Variants in CAPZB observed in about 807,000 individuals in gnomAD.
The protein encoded by CAPZB is capping actin protein of muscle Z-line subunit beta, also known as F-actin-capping protein subunit beta.
Under a neutral mutation model 38.1 loss-of-function variants are expected in CAPZB, and 2 were observed. The ratio of observed to expected loss-of-function variants is 0.05; its 90% CI spans 0.02 to 0.17. CAPZB has a LOEUF of 0.17. CAPZB is among the 10% of genes least tolerant of loss of function. The pLI is 1.00. For missense variants in CAPZB, 161 were observed against 334.2 expected (o/e 0.48, Z 4.04); for synonymous variants, 107 against 127.4 (o/e 0.84, Z 1.08).
intron 1 of CAPZB, among the ~76,000 whole-genome samples, chr1:19,444,055 G>A (rs1444622349): frequency 3.3e-5 from 5 of 152,210 alleles, no homozygotes; most frequent in Non-Finnish European, 7.3e-5. Context: ...CTACTCAGGG[G>A]GCTGAGGCAG....
intron 1 of CAPZB, among the ~76,000 whole-genome samples, chr1:19,430,397 G>T (rs904423444): frequency 1.3e-5 from 2 of 152,022 alleles, no homozygotes; most frequent in African/African-American, 4.8e-5. Context: ...TAGTTTTTTT[G>T]GATAACCAAT....
Position 19,428,055 on chromosome 1 carries a change from G to A in CAPZB, c.4-8305C>T, listed in dbSNP as rs7416620. 3.3e-5 allele frequency among the ~76,000 whole-genome samples: 5 copies of A among 152,340 alleles called. No individual in the cohort carries two copies. In the South Asian group the frequency reaches 8.3e-4, roughly 25 times the overall value. ...GTGGATGACCCACCAGCCAGAATGG[G>A]TGACCTGTTGTTATATGAGAAATAA... On this transcript the variant is annotated intron_variant, in intron 1 of 8. Coordinates refer to ENST00000264202, the MANE Select transcript of CAPZB (RefSeq NM_004930.5).
At chr1:19,482,409 C>T (rs967874522) in intron 1 of CAPZB, among the ~76,000 whole-genome samples, 3 of 152,248 alleles carry the variant, frequency 2.0e-5, no homozygotes, top group African/African-American at 7.2e-5. Flanking sequence ...CCCATCAGCT[C>T]CTGCCAGGCA....
intron 1 of CAPZB, among the ~76,000 whole-genome samples, chr1:19,427,284 T>C (rs1194066057): frequency 6.6e-6 from 1 of 152,222 alleles, no homozygotes; most frequent in African/African-American, 2.4e-5. Flanking sequence ...CATCTGTCTG[T>C]ACATAAACAA....
At chr1:19,353,686 A>G (rs1362804828) in intron 6 of CAPZB, among the ~76,000 whole-genome samples, 1 of 152,162 alleles carries the variant, frequency 6.6e-6, no homozygotes, top group East Asian at 1.9e-4. Context: ...CACAGATCCA[A>G]TCAGATCATT....
At chr1:19,458,178 T>C (rs1429878193) in intron 1 of CAPZB, among the ~76,000 whole-genome samples, 1 of 152,222 alleles carries the variant, frequency 6.6e-6, no homozygotes, top group African/African-American at 2.4e-5. Context: ...AATGATGCTT[T>C]ATTAAGTTGA....
At chr1:19,342,388 G>C (rs909158317) in intron 8 of CAPZB, among the ~76,000 whole-genome samples, 2 of 152,220 alleles carry the variant, frequency 1.3e-5, no homozygotes, top group African/African-American at 4.8e-5. Context: ...TCTGAAGCAT[G>C]GGGGGGTGGA....
intron 2 of CAPZB, among the ~76,000 whole-genome samples, chr1:19,403,525 G>A (rs1286283955): frequency 3.9e-5 from 6 of 152,214 alleles, no homozygotes; most frequent in Admixed American, 1.3e-4. Context: ...GAAGGGGCAG[G>A]GCCAGATCAA....
At chr1:19,482,200 G>A (rs144279807) in intron 1 of CAPZB, among the ~76,000 whole-genome samples, 95 of 152,240 alleles carry the variant, frequency 6.2e-4, no homozygotes, top group Middle Eastern at 3.4e-3. Flanking sequence ...TCAAAGACAC[G>A]GCTTATCATT....
chr1:19,424,003 G>T (rs58029000), intron 1 of CAPZB, among the ~76,000 whole-genome samples: 26,844 of 151,908 alleles, frequency 0.18, 2,824 homozygotes, highest in African/African-American at 0.29. Context: ...GTAGAGATGG[G>T]GTTTTGCTAT....
chr1:19,349,286 T>C (rs1222377432), intron 6 of CAPZB, among the ~76,000 whole-genome samples: 2 of 152,112 alleles, frequency 1.3e-5, no homozygotes, highest in African/African-American at 4.8e-5. Context: ...TTACTGTGCC[T>C]AGGCTCAGGG....
chr1:19,402,034 G>A (rs2094305891), intron 2 of CAPZB, among the ~76,000 whole-genome samples: 2 of 152,186 alleles, frequency 1.3e-5, no homozygotes, highest in Non-Finnish European at 2.9e-5. Flanking sequence ...TATGAGAAGG[G>A]TTGCCAAATC....
At chr1:19,470,357 A>C (rs1371820730) in intron 1 of CAPZB, among the ~76,000 whole-genome samples, 1 of 152,224 alleles carries the variant, frequency 6.6e-6, no homozygotes. Context: ...CTACAGATCA[A>C]AGGGACCTGG....
At chr1:19,446,048 A>C (rs1446020323) in intron 1 of CAPZB, among the ~76,000 whole-genome samples, 1 of 152,196 alleles carries the variant, frequency 6.6e-6, no homozygotes, top group Non-Finnish European at 1.5e-5. Context: ...CTCGGCAGAG[A>C]GGCTCAACAG....
chr1:19,370,012 C>A (rs1399423184), intron 4 of CAPZB, among the ~76,000 whole-genome samples: 1 of 152,198 alleles, frequency 6.6e-6, no homozygotes, highest in African/African-American at 2.4e-5. Context: ...AGCCTCCACA[C>A]TACTTCCGAG....
chr1:19,350,527 G>A lies in CAPZB; in HGVS notation c.589-5275C>T, dbSNP rs113163820. Reference sequence around the variant, plus strand: ...CAGACGGCTTCCCAGGGAAAGTTACGGTTGCCCAGTTTAGGAAAATTTTGA... The same window carrying A: ...CAGACGGCTTCCCAGGGAAAGTTACAGTTGCCCAGTTTAGGAAAATTTTGA... On this transcript the variant is annotated intron_variant, in intron 6 of 8. Transcript: ENST00000264202. Among the ~76,000 whole-genome samples the A allele has an allele frequency of 8.8e-3, 1,343 of 152,354 alleles. 10 individuals carry two copies. The highest frequency in any genetic ancestry group is 0.03 in the African/African-American group (1,246 of 41,582).
rs1024397765 is a variant in CAPZB, at chr1:19,344,548, C to T, written c.655-114G>A. Reference sequence around the variant, plus strand: ...AGTGTGGCCACTGGAGGGTGGCACACGCCTGCTCTGGGGCATCAGTGAGCG... The same window carrying T: ...AGTGTGGCCACTGGAGGGTGGCACATGCCTGCTCTGGGGCATCAGTGAGCG... On this transcript the variant is annotated intron_variant, in intron 7 of 8. Coordinates refer to ENST00000264202, the MANE Select transcript of CAPZB (RefSeq NM_004930.5). 3.7e-5 allele frequency: 30 copies of T among 814,850 alleles called. No homozygotes were observed. The East Asian group carries it at 5.1e-4, about 14-fold the overall frequency. The allele number at this position is 814,850 out of a possible 1,614,324, so 50.5% of individuals were successfully genotyped here.
At chr1:19,420,644 T>C (rs977417634) in intron 1 of CAPZB, among the ~76,000 whole-genome samples, 1 of 151,836 alleles carries the variant, frequency 6.6e-6, no homozygotes, top group Non-Finnish European at 1.5e-5. Flanking sequence ...TTGCCCAGGG[T>C]GGTCTTGAAC....
chr1:19,423,745 T>C (rs2094410947), intron 1 of CAPZB, among the ~76,000 whole-genome samples: 1 of 151,838 alleles, frequency 6.6e-6, no homozygotes, highest in Non-Finnish European at 1.5e-5. Flanking sequence ...TGGAGTATAG[T>C]AGCACAATGT....
Sources: allele counts gnomAD v4.1 joint callset (sites outside exome capture counted in the v4.1 genomes callset), GRCh38; gene constraint gnomAD v4.1.1; transcripts MANE v1.5; gene names NCBI Gene and HGNC (gene_info 2026-07-23, HGNC 2026-07-21).